The following DTWD2 variants were observed in gnomAD, a reference collection of about 807,000 sequenced individuals.
The protein encoded by DTWD2 is DTW motif tRNA-uridine aminocarboxypropyltransferase 2.
DTWD2 carries 39 observed loss-of-function variants against 31.8 expected under a neutral mutation model. The ratio of observed to expected loss-of-function variants is 1.22; its 90% CI spans 0.95 to 1.60. DTWD2 has a LOEUF of 1.60. Ranked by LOEUF, DTWD2 falls within the 40% of genes most tolerant of loss-of-function variation. The pLI is 0.00. For synonymous variants in DTWD2, 180 were observed against 142.8 expected, an observed-to-expected ratio of 1.26 and a Z score of -1.86; for missense variants, 515 against 381.5, an observed-to-expected ratio of 1.35 and a Z score of -2.92.
chr5:118,988,195 G>T (rs1755473942), intron 1 of DTWD2, 99 bp downstream of exon 1: 3 of 1,441,006 alleles, frequency 2.1e-6, no homozygotes, highest in Non-Finnish European at 2.8e-6. Context: ...CGCCCTAATC[G>T]CAGAGCTGCC....
intron 5 of DTWD2, among the ~76,000 whole-genome samples, chr5:118,846,930 A>G (rs1433591337): frequency 2.2e-5 from 2 of 90,374 alleles, no homozygotes; most frequent in Non-Finnish European, 4.1e-5. Context: ...GCACACACAC[A>G]CACACACACA....
intron 4 of DTWD2, among the ~76,000 whole-genome samples, chr5:118,910,831 G>A (rs1753442673): frequency 2.0e-5 from 3 of 152,174 alleles, no homozygotes; most frequent in Middle Eastern, 3.2e-3. Flanking sequence ...AGCAGATCTG[G>A]TGTCTGGTAA....
intron 1 of DTWD2, among the ~76,000 whole-genome samples, chr5:118,967,660 A>G (rs1207948263): frequency 1.3e-5 from 2 of 152,230 alleles, no homozygotes; most frequent in African/African-American, 4.8e-5. Flanking sequence ...AATAAAATAA[A>G]TATCCATAAT....
intron 4 of DTWD2, among the ~76,000 whole-genome samples, chr5:118,894,542 T>A (rs1034747720): frequency 6.6e-6 from 1 of 152,126 alleles, no homozygotes; most frequent in South Asian, 2.1e-4. Context: ...CCCAAAAATA[T>A]ACTCACACAT....
intron 1 of DTWD2, among the ~76,000 whole-genome samples, chr5:118,957,755 T>G (rs932352066): frequency 6.6e-6 from 1 of 152,190 alleles, no homozygotes; most frequent in Non-Finnish European, 1.5e-5. Context: ...TTATCAAGTT[T>G]ATTTGAATTG....
chr5:118,879,199 G>C (rs1355368307), intron 4 of DTWD2, among the ~76,000 whole-genome samples: 1 of 152,134 alleles, frequency 6.6e-6, no homozygotes, highest in African/African-American at 2.4e-5. Flanking sequence ...TATCTTCACT[G>C]CAGCACTATT....
At chr5:118,946,884 G>A (rs1754350424) in intron 1 of DTWD2, among the ~76,000 whole-genome samples, 1 of 152,110 alleles carries the variant, frequency 6.6e-6, no homozygotes, top group Admixed American at 6.5e-5. Context: ...GAGATTACAG[G>A]CACACATCAC....
intron 4 of DTWD2, among the ~76,000 whole-genome samples, chr5:118,896,854 C>A (rs561353119): frequency 2.6e-5 from 4 of 152,186 alleles, no homozygotes; most frequent in African/African-American, 9.7e-5. Flanking sequence ...TGAGTACAAC[C>A]TTTCACCCAT....
In DTWD2 at chr5:118,840,848, A is replaced by T. The variant is rs1751694676; in HGVS notation, c.*69T>A. 3 of 1,524,184 alleles carry T rather than the reference A, an allele frequency of 2.0e-6. No homozygotes were observed. Among genetic ancestry groups the T allele is most frequent in the African/African-American group, 2.8e-5 (2 of 71,926 alleles). The allele number at this position is 1,524,184 out of a possible 1,614,324, so 94.4% of individuals were successfully genotyped here. A position where few individuals can be genotyped will look rare whatever the true frequency, so the allele number is the denominator to read the frequency against. On this transcript the variant is annotated 3_prime_UTR_variant, in exon 6 of 6. Transcript: ENST00000510708. ...GCAAGTCAAAAACCTACAGACCTTA[A>T]CTATATGAAAACTTAATTTGGTATT...
intron 3 of DTWD2, among the ~76,000 whole-genome samples, chr5:118,936,438 G>A (rs991056626): frequency 4.0e-5 from 6 of 151,550 alleles, no homozygotes; most frequent in Non-Finnish European, 7.4e-5. Context: ...GTGTGCCACT[G>A]TACTTCAAGC....
intron 5 of DTWD2, among the ~76,000 whole-genome samples, chr5:118,846,907 C>T (rs1488047297): frequency 7.2e-6 from 1 of 138,240 alleles, no homozygotes; most frequent in African/African-American, 2.7e-5. Context: ...ACAAAGTCTA[C>T]TCAAACACAC....
At chr5:118,968,316 G>C (rs1052655604) in intron 1 of DTWD2, among the ~76,000 whole-genome samples, 5 of 152,176 alleles carry the variant, frequency 3.3e-5, no homozygotes, top group Non-Finnish European at 5.9e-5. Flanking sequence ...AAATGAACTT[G>C]AGTGGAAAAA....
At chr5:118,930,912 A>C (rs1156678676) in intron 3 of DTWD2, among the ~76,000 whole-genome samples, 4 of 152,124 alleles carry the variant, frequency 2.6e-5, no homozygotes, top group Non-Finnish European at 4.4e-5. Context: ...AGTTAAAGGT[A>C]GAGGGTTTCT....
chr5:118,884,131 TTAA>T (rs1752803001), intron 4 of DTWD2, among the ~76,000 whole-genome samples: 1 of 152,250 alleles, frequency 6.6e-6, no homozygotes, highest in African/African-American at 2.4e-5. Flanking sequence ...TAGAATGTTC[TTAA>T]TAAAATTCTT....
chr5:118,880,080 T>C (rs1752708625), intron 4 of DTWD2, among the ~76,000 whole-genome samples: 1 of 152,244 alleles, frequency 6.6e-6, no homozygotes, highest in Non-Finnish European at 1.5e-5. Context: ...TGAAGAATTA[T>C]ATTTTGACAG....
At chr5:118,935,527 T>C (rs866358589) in intron 3 of DTWD2, among the ~76,000 whole-genome samples, 21 of 152,244 alleles carry the variant, frequency 1.4e-4, no homozygotes, top group African/African-American at 3.1e-4. Flanking sequence ...CTTGCTTGCT[T>C]GCTCGCTCGC....
At chr5:118,860,029 G>A (rs907578287) in intron 4 of DTWD2, among the ~76,000 whole-genome samples, 3 of 152,036 alleles carry the variant, frequency 2.0e-5, no homozygotes, top group East Asian at 3.9e-4. Context: ...GAGGTGGGAG[G>A]ATAGCTTGAG....
At chr5:118,877,703 G>A (rs1561437601) in intron 4 of DTWD2, among the ~76,000 whole-genome samples, 1 of 151,980 alleles carries the variant, frequency 6.6e-6, no homozygotes, top group South Asian at 2.1e-4. Context: ...TCGAGCAAGA[G>A]AAAGAAATAA....
At position 118,839,703 on chromosome 5, in the gene DTWD2, C is replaced by A. The variant is rs1324382931; in HGVS notation, c.*1214G>T. ...TCCAAAAATAAATCAACAATAGAAGCCAGCACTCTTTTAATATTTTAAAAT... is the reference window on the plus strand; with the variant it reads ...TCCAAAAATAAATCAACAATAGAAGACAGCACTCTTTTAATATTTTAAAAT... On this transcript the variant is annotated 3_prime_UTR_variant, in exon 6 of 6. Coordinates refer to ENST00000510708, the MANE Select transcript of DTWD2 (RefSeq NM_173666.4). 1 of 152,080 alleles carries A rather than the reference C, an allele frequency of 6.6e-6. No homozygotes were observed. Among genetic ancestry groups the A allele is most frequent in the African/African-American group, 2.4e-5 (1 of 41,398 alleles). The allele number at this position is 152,080 out of a possible 1,614,324, so 9.4% of individuals were successfully genotyped here.
Sources: gnomAD v4.1 joint callset for allele counts (sites outside exome capture counted in the v4.1 genomes callset) on GRCh38, gnomAD v4.1.1 for gene constraint, MANE v1.5 for transcripts, NCBI Gene and HGNC (gene_info 2026-07-23, HGNC 2026-07-21) for gene names.